The following PAK5 variants were observed in gnomAD, a reference collection of about 807,000 sequenced individuals.
The protein encoded by PAK5 is p21 (RAC1) activated kinase 5.
Under a neutral mutation model 65.9 loss-of-function variants are expected in PAK5, and 16 were observed. The observed-to-expected ratio is 0.24, with a 90% CI of 0.16 to 0.37. The LOEUF (loss-of-function observed/expected upper bound fraction) is 0.37. Ranked by LOEUF, PAK5 falls within the 10% of genes least tolerant of loss-of-function variation. The probability of loss-of-function intolerance (pLI) is 1.00; values close to 1 mark genes in which losing one functional copy is unlikely to be tolerated. For missense variants in PAK5, 785 were observed against 903.9 expected (o/e 0.87, Z 1.69); for synonymous variants, 371 against 354.9 (o/e 1.05, Z -0.51).
intron 3 of PAK5, among the ~76,000 whole-genome samples, chr20:9,638,228 T>C (rs2047005981): frequency 6.6e-6 from 1 of 152,228 alleles, no homozygotes; most frequent in Non-Finnish European, 1.5e-5. Context: ...TTTGGTAATA[T>C]TGCTTATGAT....
rs965539110 is a variant in PAK5, at chr20:9,838,306, G to A, written c.-162+456C>T. On this transcript the variant is annotated intron_variant, in intron 1 of 9. Transcript: ENST00000353224. The surrounding 1 kb of genome is among the most constrained non-coding windows in gnomAD (Gnocchi z 4.5). ...ACCTGCCAAAAGACAAAAACCATGC[G>A]GGAATCCTGCTCTGGCAATATGTCC... Among the ~76,000 whole-genome samples the A allele has an allele frequency of 6.6e-6, 1 of 152,094 alleles. No homozygotes were observed. Among genetic ancestry groups the A allele is most frequent in the Non-Finnish European group, 1.5e-5 (1 of 68,032 alleles).
chr20:9,644,146 G>T lies in PAK5; in HGVS notation c.183C>A (p.Pro61=). The stretch of plus-strand genomic sequence containing the variant: ...ATACCTTCATAGGAGCCAGCTGGAT[G>T]GGTGTGATGCATGAAGGGTCCACCA... ...KPMVDPSCIT[P]IQLAPMKTIV... is the part of the protein sequence containing the mutation. Residue 61 remains proline (P), a synonymous_variant, in exon 3 of 10, where the codon CCC becomes CCA. Coordinates refer to ENST00000353224, the MANE Select transcript of PAK5 (RefSeq NM_177990.4). 6.2e-7 allele frequency: 1 copy of T among 1,613,794 alleles called. No homozygotes were observed. Among genetic ancestry groups the T allele is most frequent in the Non-Finnish European group, 8.5e-7 (1 of 1,179,792 alleles).
At chr20:9,611,322 C>G (rs1319465304) in intron 3 of PAK5, among the ~76,000 whole-genome samples, 1 of 152,176 alleles carries the variant, frequency 6.6e-6, no homozygotes, top group African/African-American at 2.4e-5. Flanking sequence ...ACATAAAGTC[C>G]TGTTGTGAAG....
intron 3 of PAK5, among the ~76,000 whole-genome samples, chr20:9,620,457 G>A (rs181755255): frequency 6.6e-6 from 1 of 152,202 alleles, no homozygotes. Flanking sequence ...CACTTCTTTT[G>A]ACCACATGGC....
chr20:9,801,909 A>G (rs972379322), intron 1 of PAK5, among the ~76,000 whole-genome samples: 2 of 152,146 alleles, frequency 1.3e-5, no homozygotes, highest in Admixed American at 6.6e-5. Context: ...TCAGGAAGCA[A>G]GAGTGAGAGA....
At chr20:9,814,098 A>AGGCAAGTAGAAT (rs111724822) in intron 1 of PAK5, among the ~76,000 whole-genome samples, 99,578 of 151,550 alleles carry the variant, frequency 0.66, 32,907 homozygotes, top group East Asian at 0.77. Context: ...AGTGCATTCT[A>AGGCAAGTAGAAT]GGCAAGTGCA....
At chr20:9,675,613 G>A (rs2047559484) in intron 2 of PAK5, among the ~76,000 whole-genome samples, 1 of 152,116 alleles carries the variant, frequency 6.6e-6, no homozygotes, top group African/African-American at 2.4e-5. Flanking sequence ...GAGAAGCTGG[G>A]ACTACAGGTG....
intron 3 of PAK5, among the ~76,000 whole-genome samples, chr20:9,602,963 A>C (rs2046386795): frequency 1.3e-5 from 2 of 152,242 alleles, no homozygotes; most frequent in South Asian, 4.1e-4. Flanking sequence ...TAATTCCTCT[A>C]AGTCACAGAT....
chr20:9,657,237 C>T (rs745736532), intron 2 of PAK5, among the ~76,000 whole-genome samples: 2 of 152,170 alleles, frequency 1.3e-5, no homozygotes, highest in Non-Finnish European at 2.9e-5. Flanking sequence ...TAAATGAAAT[C>T]ATAGATTATA....
intron 2 of PAK5, among the ~76,000 whole-genome samples, chr20:9,699,029 T>C (rs2047905214): frequency 1.3e-5 from 2 of 152,182 alleles, no homozygotes; most frequent in African/African-American, 4.8e-5. Flanking sequence ...GATGTTTGAA[T>C]AATGTGGAGA....
chr20:9,650,054 C>T (rs1008341326), intron 2 of PAK5, among the ~76,000 whole-genome samples: 14 of 152,198 alleles, frequency 9.2e-5, no homozygotes, highest in African/African-American at 3.4e-4. Flanking sequence ...GTGCAGCATG[C>T]TGTGTAGCCC....
intron 4 of PAK5, among the ~76,000 whole-genome samples, chr20:9,568,837 TAATAAA>T (rs1190476828): frequency 3.9e-5 from 6 of 151,940 alleles, no homozygotes; most frequent in African/African-American, 7.2e-5. Flanking sequence ...GTCTCAGAAA[TAATAAA>T]AATAATAATA....
intron 1 of PAK5, among the ~76,000 whole-genome samples, chr20:9,771,321 G>A (rs965686046): frequency 1.3e-5 from 2 of 152,168 alleles, no homozygotes; most frequent in East Asian, 1.9e-4. Flanking sequence ...GTTGAATCTT[G>A]CCAACTTCAT....
intron 1 of PAK5, among the ~76,000 whole-genome samples, chr20:9,745,542 C>A (rs1247210397): frequency 4.6e-5 from 7 of 152,050 alleles, no homozygotes; most frequent in Non-Finnish European, 8.8e-5. Context: ...AAATGATTAA[C>A]CTAATTTATT....
chr20:9,584,524 G>A (rs923003096), intron 3 of PAK5, among the ~76,000 whole-genome samples: 1 of 152,084 alleles, frequency 6.6e-6, no homozygotes, highest in African/African-American at 2.4e-5. Flanking sequence ...TGTTGGTCAG[G>A]CTGGTCTCAA....
intron 3 of PAK5, among the ~76,000 whole-genome samples, chr20:9,632,606 C>T (rs2046936561): frequency 6.6e-6 from 1 of 152,158 alleles, no homozygotes; most frequent in Non-Finnish European, 1.5e-5. Context: ...TTGTCAGATT[C>T]TCAAGGGAGA....
intron 6 of PAK5, 34 bp downstream of exon 6, chr20:9,562,857 C>T: frequency 1.3e-6 from 2 of 1,590,538 alleles, no homozygotes; most frequent in Non-Finnish European, 1.7e-6. Flanking sequence ...GAATAAGAAG[C>T]ACCTCGAATT....
chr20:9,762,226 C>G (rs879347607), intron 1 of PAK5, among the ~76,000 whole-genome samples: 2 of 151,906 alleles, frequency 1.3e-5, no homozygotes, highest in Non-Finnish European at 2.9e-5. Context: ...GATATAGCAC[C>G]CAAAGCATAG....
chr20:9,819,188 C>T (rs956439574), intron 1 of PAK5, among the ~76,000 whole-genome samples: 3 of 152,120 alleles, frequency 2.0e-5, no homozygotes, highest in African/African-American at 4.8e-5. Flanking sequence ...ATTTTATCAC[C>T]GATTTCCCTC....
Sources: gnomAD v4.1 joint callset for allele counts (sites outside exome capture counted in the v4.1 genomes callset) on GRCh38, gnomAD v4.1.1 for gene constraint, Gnocchi (gnomAD v3.1) non-coding constraint, MANE v1.5 for transcripts, NCBI Gene and HGNC (gene_info 2026-07-23, HGNC 2026-07-21) for gene names.